ITGBL1: variants seen among roughly 807,000 people sequenced by gnomAD.
The protein encoded by ITGBL1 is integrin beta-like protein 1.
A neutral mutation model predicts 68.5 loss-of-function variants in ITGBL1; 51 were observed. The observed-to-expected ratio is 0.74, with a 90% CI of 0.59 to 0.94. The LOEUF (loss-of-function observed/expected upper bound fraction) is 0.94. Among genes scored for constraint, ITGBL1 ranks in the 40% least tolerant of loss-of-function variants. ITGBL1 has a pLI of 0.00. For missense variants in ITGBL1, 649 were observed against 647.4 expected, an observed-to-expected ratio of 1.00 and a Z score of -0.03; for synonymous variants, 209 against 227.3, an observed-to-expected ratio of 0.92 and a Z score of 0.72.
intron 7 of ITGBL1, among the ~76,000 whole-genome samples, chr13:101,631,548 C>A (rs1240489023): frequency 1.3e-5 from 2 of 152,060 alleles, no homozygotes; most frequent in Admixed American, 1.3e-4. Context: ...GTCCTACTAC[C>A]ATAGATGATG....
At chr13:101,586,606 A>G (rs1052736937) in intron 6 of ITGBL1, among the ~76,000 whole-genome samples, 1 of 152,244 alleles carries the variant, frequency 6.6e-6, no homozygotes, top group South Asian at 2.1e-4. Flanking sequence ...TCACACTGCC[A>G]TAAAAGTGTC....
intron 8 of ITGBL1, among the ~76,000 whole-genome samples, chr13:101,699,952 GT>G (rs1332684998): frequency 2.6e-5 from 4 of 152,284 alleles, no homozygotes; most frequent in Middle Eastern, 3.4e-3. Context: ...CACAATCTTA[GT>G]TTTCTCCTTC....
At position 101,679,906 on chromosome 13, in the gene ITGBL1, C is replaced by T. The variant is rs9557724; in HGVS notation, c.1016-12679C>T. ...GAAAATTATATTAGTACAGAATTTG[C>T]TTAAATGTCTTAGTTCCTCACATAG... On this transcript the variant is annotated intron_variant, in intron 7 of 10. Transcript: ENST00000376180. Among the ~76,000 whole-genome samples the T allele has an allele frequency of 4.6e-3, 704 of 152,270 alleles. 16 individuals carry two copies. In the East Asian group the frequency reaches 0.063, roughly 14 times the overall value.
At chr13:101,544,500 C>T (rs2049779944) in intron 2 of ITGBL1, among the ~76,000 whole-genome samples, 1 of 152,210 alleles carries the variant, frequency 6.6e-6, no homozygotes. Context: ...CCTCGGGGGT[C>T]AGGGACCCAC....
At chr13:101,628,928 T>C (rs781577507) in intron 7 of ITGBL1, among the ~76,000 whole-genome samples, 14 of 152,182 alleles carry the variant, frequency 9.2e-5, no homozygotes, top group Non-Finnish European at 1.5e-4. Context: ...TTTCTCATAA[T>C]AGTAATCAAC....
At chr13:101,544,721 C>A (rs920504154) in intron 2 of ITGBL1, among the ~76,000 whole-genome samples, 6 of 152,258 alleles carry the variant, frequency 3.9e-5, no homozygotes, top group Admixed American at 3.3e-4. Flanking sequence ...GCTTCCTGGC[C>A]GCTTTGTTTA....
Position 101,659,617 on chromosome 13 carries a change from G to A in ITGBL1, c.1016-32968G>A, listed in dbSNP as rs537496170. ...GCTGGGACTACAGGCATGTGCCACCGCACCTGGCTAATTTTTTGTATTTTG... is the reference window on the plus strand; with the variant it reads ...GCTGGGACTACAGGCATGTGCCACCACACCTGGCTAATTTTTTGTATTTTG... On this transcript the variant is annotated intron_variant, in intron 7 of 10. Coordinates refer to ENST00000376180, the MANE Select transcript of ITGBL1 (RefSeq NM_004791.3). Among the ~76,000 whole-genome samples, 18 of 152,064 alleles carry A rather than the reference G, an allele frequency of 1.2e-4. No homozygotes were observed. In the South Asian group the frequency reaches 1.2e-3, roughly 11 times the overall value.
Position 101,602,438 on chromosome 13 carries a change from A to G in ITGBL1, c.1015+4139A>G, listed in dbSNP as rs111525447. 3.3e-3 allele frequency among the ~76,000 whole-genome samples: 497 copies of G among 152,196 alleles called. 1 individual carries two copies. The highest frequency in any genetic ancestry group is 0.011 in the African/African-American group (473 of 41,580). ...CCCACATGAGAATAACAAAGTTAAT[A>G]TGAAATATGCTTTTGAAGAAGTCGT... On this transcript the variant is annotated intron_variant, in intron 7 of 10. Coordinates refer to ENST00000376180, the MANE Select transcript of ITGBL1 (RefSeq NM_004791.3).
chr13:101,536,634 G>A (rs1475844627), intron 2 of ITGBL1, among the ~76,000 whole-genome samples: 1 of 151,864 alleles, frequency 6.6e-6, no homozygotes, highest in African/African-American at 2.4e-5. Context: ...AATTCATTGT[G>A]CTAATAAATT....
chr13:101,620,841 T>C (rs1039827648), intron 7 of ITGBL1, among the ~76,000 whole-genome samples: 1 of 152,190 alleles, frequency 6.6e-6, no homozygotes, highest in Non-Finnish European at 1.5e-5. Flanking sequence ...TGAGGAAATC[T>C]AAAGAATAGT....
chr13:101,710,404 T>C (rs2034405254), intron 9 of ITGBL1, among the ~76,000 whole-genome samples: 1 of 152,124 alleles, frequency 6.6e-6, no homozygotes, highest in Non-Finnish European at 1.5e-5. Context: ...GCGCAGAGGA[T>C]AATGGGGATG....
At chr13:101,491,098 A>G (rs1382270508) in intron 2 of ITGBL1, among the ~76,000 whole-genome samples, 1 of 152,202 alleles carries the variant, frequency 6.6e-6, no homozygotes, top group Non-Finnish European at 1.5e-5. Context: ...AAGTGCTTAT[A>G]TATCTCCAAC....
At chr13:101,595,270 G>T (rs1194919805) in intron 6 of ITGBL1, among the ~76,000 whole-genome samples, 1 of 152,098 alleles carries the variant, frequency 6.6e-6, no homozygotes, top group Non-Finnish European at 1.5e-5. Context: ...GGGAACAAAA[G>T]AGGTTGGGAG....
chr13:101,473,610 G>T (rs1023883972), intron 2 of ITGBL1, among the ~76,000 whole-genome samples: 2 of 152,182 alleles, frequency 1.3e-5, no homozygotes, highest in Admixed American at 6.5e-5. Context: ...GGCAAGTCCT[G>T]CTCTGTGCTG....
intron 2 of ITGBL1, among the ~76,000 whole-genome samples, chr13:101,472,886 A>C (rs1317674995): frequency 2.0e-5 from 3 of 152,194 alleles, no homozygotes; most frequent in Non-Finnish European, 4.4e-5. Flanking sequence ...TAAGAATTAA[A>C]ACTCTAAAAA....
rs546923981 is a variant in ITGBL1 at position 101,626,137 on chromosome 13, A to G, written c.1015+27838A>G. Among the ~76,000 whole-genome samples, 9 of 152,288 alleles carry G rather than the reference A, an allele frequency of 5.9e-5. No homozygotes were observed. The East Asian group carries it at 1.4e-3, about 23-fold the overall frequency. On this transcript the variant is annotated intron_variant, in intron 7 of 10. Coordinates refer to ENST00000376180, the MANE Select transcript of ITGBL1 (RefSeq NM_004791.3). ...GTATCAGCATCAAATTGTATTTCAG[A>G]TACAACTTCAGACCCAGTTAATCAG...
chr13:101,585,515 C>G (rs991407455), intron 6 of ITGBL1, among the ~76,000 whole-genome samples: 1 of 152,124 alleles, frequency 6.6e-6, no homozygotes, highest in Non-Finnish European at 1.5e-5. Context: ...ACTGCGAGCT[C>G]CACCTCCCAG....
At chr13:101,706,713 T>C in intron 8 of ITGBL1, 43 bp from the exon 9 acceptor site, 2 of 1,588,702 alleles carry the variant, frequency 1.3e-6, no homozygotes, top group Non-Finnish European at 1.7e-6. Flanking sequence ...TTCAGCTGGT[T>C]ATTTCCTCAT....
chr13:101,696,731 A>T (rs1047041847), intron 8 of ITGBL1, among the ~76,000 whole-genome samples: 2 of 152,204 alleles, frequency 1.3e-5, no homozygotes, highest in Non-Finnish European at 2.9e-5. Context: ...ATTCTCATGG[A>T]TATAATCAAT....
Sources: allele counts gnomAD v4.1 joint callset (sites outside exome capture counted in the v4.1 genomes callset), GRCh38; gene constraint gnomAD v4.1.1; transcripts MANE v1.5; gene names NCBI Gene and HGNC (gene_info 2026-07-23, HGNC 2026-07-21).